NDRG4: variants seen among roughly 807,000 people sequenced by gnomAD.
NDRG4 encodes NDRG family member 4, also known as protein NDRG4.
A neutral mutation model predicts 55.8 loss-of-function variants in NDRG4; 38 were observed. The ratio of observed to expected loss-of-function variants is 0.68; its 90% CI spans 0.53 to 0.89. The LOEUF (loss-of-function observed/expected upper bound fraction) is 0.89, where lower values mean the gene tolerates loss of function less well. Among genes scored for constraint, NDRG4 ranks in the 40% least tolerant of loss-of-function variants. NDRG4 has a pLI of 0.00. For missense variants in NDRG4, 455 were observed against 468.6 expected, an observed-to-expected ratio of 0.97 and a Z score of 0.27; for synonymous variants, 190 against 182.7, an observed-to-expected ratio of 1.04 and a Z score of -0.32.
At chr16:58,473,351 A>G (rs1228261467) in intron 1 of NDRG4, among the ~76,000 whole-genome samples, 3 of 152,008 alleles carry the variant, frequency 2.0e-5, no homozygotes, top group African/African-American at 4.8e-5. Context: ...TTTTGTGGAG[A>G]CAGGGTCTCA....
chr16:58,509,232 G>A (rs1407902464), intron 12 of NDRG4, 43 bp downstream of exon 12: 1 of 1,613,824 alleles, frequency 6.2e-7, no homozygotes, highest in African/African-American at 1.3e-5. Flanking sequence ...ATGGGGAGGG[G>A]GAAGCCTCTA....
At chr16:58,515,044 C>T (rs765492966), downstream of NDRG4, among the ~76,000 whole-genome samples, 1 of 152,196 alleles carries the variant, frequency 6.6e-6, no homozygotes, top group African/African-American at 2.4e-5. Flanking sequence ...GATCCAGGAG[C>T]CCTCTAGGCC....
chr16:58,513,166 ATATGTGTGTG>A lies in NDRG4; in HGVS notation c.*1592_*1601del, dbSNP rs2038974869. ...ATGTATCTATAAATATCTATACATTATATGTGTGTGTGTGTGTGTGTGTGTGTGTGTACAT... is the reference window on the plus strand; with the variant it reads ...ATGTATCTATAAATATCTATACATTATGTGTGTGTGTGTGTGTGTGTACAT... On this transcript the variant is annotated 3_prime_UTR_variant, in exon 15 of 15. Coordinates refer to ENST00000570248, the MANE Select transcript of NDRG4 (RefSeq NM_001242835.2). 4.2e-5 allele frequency: 2 copies of A among 47,314 alleles called. No individual in the cohort carries two copies. Among genetic ancestry groups the A allele is most frequent in the South Asian group, 2.4e-3 (2 of 836 alleles). 2.9% of individuals were successfully genotyped at this position (47,314 alleles called of 1,614,324 possible).
intron 1 of NDRG4, among the ~76,000 whole-genome samples, chr16:58,480,199 C>A (rs9928061): frequency 0.011 from 1,696 of 152,342 alleles, 31 homozygotes; most frequent in African/African-American, 0.039. Flanking sequence ...AGGCTCACTG[C>A]AACCTCTGCC....
At chr16:58,492,413 C>A (rs2035881313) in intron 2 of NDRG4, among the ~76,000 whole-genome samples, 1 of 151,994 alleles carries the variant, frequency 6.6e-6, no homozygotes, top group Non-Finnish European at 1.5e-5. Flanking sequence ...TGAGTCCTTC[C>A]CCTCCCACAC....
intron 14 of NDRG4, 82 bp from the exon 15 acceptor site, chr16:58,511,340 C>A: frequency 6.8e-7 from 1 of 1,465,812 alleles, no homozygotes; most frequent in African/African-American, 1.4e-5. Context: ...TCGCTGGCCG[C>A]TTTGCTTGCA....
Position 58,504,189 on chromosome 16 carries a change from G to C in NDRG4, c.163G>C (p.Asp55His), listed in dbSNP as rs144605894. 15 of 1,614,184 alleles carry C rather than the reference G, an allele frequency of 9.3e-6. No individual in the cohort carries two copies. The highest frequency in any genetic ancestry group is 1.2e-5 in the Non-Finnish European group (14 of 1,180,036). Residue 55 changes from aspartate (D) to histidine (H), a missense_variant, in exon 3 of 15, where the codon GAC becomes CAC. Physicochemically the swap from Asp to His is moderately conservative, Grantham distance 81. Transcript: ENST00000570248. Reference protein sequence around the residue: ...LCFNTFFNFEDMQEITKHFVV... With the variant: ...LCFNTFFNFEHMQEITKHFVV... ...CTTCAACACCTTCTTCAACTTCGAG[G>C]ACATGCAGGAGATCACCAAGCACTT...
intron 2 of NDRG4, among the ~76,000 whole-genome samples, chr16:58,488,609 C>T (rs1426312101): frequency 2.0e-5 from 3 of 151,954 alleles, no homozygotes; most frequent in Non-Finnish European, 4.4e-5. Context: ...GAGCCCAGCC[C>T]CTCAAATCTG....
chr16:58,507,320 G>A (rs2038172187), intron 8 of NDRG4: 5 of 433,572 alleles, frequency 1.2e-5, no homozygotes, highest in East Asian at 7.8e-5. Flanking sequence ...TGATGTTGAC[G>A]TCTGCAAAAT....
At chr16:58,497,428 T>C (rs901472788), upstream of NDRG4, among the ~76,000 whole-genome samples, 8 of 152,216 alleles carry the variant, frequency 5.3e-5, no homozygotes, top group African/African-American at 1.9e-4. Flanking sequence ...TTGCCACTCT[T>C]GATTCTGAGA....
chr16:58,464,409 C>T lies in NDRG4; in HGVS notation c.-24+612C>T, dbSNP rs1397852267. 2.2e-6 allele frequency: 3 copies of T among 1,365,846 alleles called. No homozygotes were observed. Among genetic ancestry groups the T allele is most frequent in the Non-Finnish European group, 1.9e-6 (2 of 1,062,462 alleles). 84.6% of individuals were successfully genotyped at this position (1,365,846 alleles called of 1,614,324 possible). A position where few individuals can be genotyped will look rare whatever the true frequency, so the allele number is the denominator to read the frequency against. On this transcript the variant is annotated intron_variant, in intron 1 of 15. Coordinates refer to the NDRG4 transcript ENST00000258187. This position sits in a 1 kb window ranked among gnomAD's most constrained non-coding sequence, Gnocchi z 4.8. ...GCTGCCCCGACGCCGCCACCCAGAG[C>T]CGGGCCGCGCCGGGCGCCGAGATGA...
At chr16:58,489,810 G>A (rs987857971) in intron 2 of NDRG4, among the ~76,000 whole-genome samples, 6 of 151,962 alleles carry the variant, frequency 3.9e-5, no homozygotes, top group African/African-American at 1.5e-4. Flanking sequence ...ACTCCTGCCT[G>A]TGTCTTTCTT....
intron 1 of NDRG4, among the ~76,000 whole-genome samples, chr16:58,480,831 A>C (rs1024537963): frequency 6.6e-6 from 1 of 152,048 alleles, no homozygotes; most frequent in Non-Finnish European, 1.5e-5. Context: ...AACATGGTGA[A>C]ACCCCATTAC....
chr16:58,484,471 T>C (rs1236130134), intron 1 of NDRG4, among the ~76,000 whole-genome samples: 1 of 152,236 alleles, frequency 6.6e-6, no homozygotes, highest in Admixed American at 6.5e-5. Flanking sequence ...TTTGAGTGAT[T>C]TGCTCAAAAT....
At chr16:58,503,172 T>C (rs2037382716) in intron 1 of NDRG4, among the ~76,000 whole-genome samples, 1 of 152,168 alleles carries the variant, frequency 6.6e-6, no homozygotes, top group Admixed American at 6.5e-5. Flanking sequence ...GAGCAGGCTC[T>C]GCAGAAGGCC....
At chr16:58,476,603 G>A (rs1214385021) in intron 1 of NDRG4, among the ~76,000 whole-genome samples, 1 of 152,038 alleles carries the variant, frequency 6.6e-6, no homozygotes, top group Non-Finnish European at 1.5e-5. Flanking sequence ...TGCTGTTACT[G>A]CCATCACATG....
intron 1 of NDRG4, chr16:58,501,893 C>A (rs1288776534): frequency 6.9e-6 from 3 of 434,244 alleles, no homozygotes; most frequent in African/African-American, 6.0e-5. Context: ...TGGAAGGCAC[C>A]GCCCTGGGCT....
chr16:58,487,988 G>A (rs2035314653), intron 2 of NDRG4: 1 of 608,330 alleles, frequency 1.6e-6, no homozygotes, highest in East Asian at 3.4e-5. Context: ...GCCTGTGGGG[G>A]GAGTTCCGGC....
chr16:58,466,648 C>T (rs1474053937), intron 1 of NDRG4, among the ~76,000 whole-genome samples: 2 of 152,234 alleles, frequency 1.3e-5, no homozygotes, highest in African/African-American at 4.8e-5. Context: ...CCCTGGGAGA[C>T]AACCCATCCC....
Sources: gnomAD v4.1 joint callset for allele counts (sites outside exome capture counted in the v4.1 genomes callset) on GRCh38, gnomAD v4.1.1 for gene constraint, Gnocchi (gnomAD v3.1) non-coding constraint, MANE v1.5 for transcripts, NCBI Gene and HGNC (gene_info 2026-07-23, HGNC 2026-07-21) for gene names.